Variants in SPATA7 observed in about 807,000 individuals in gnomAD.
The protein encoded by SPATA7 is spermatogenesis associated 7, also known as spermatogenesis-associated protein 7.
SPATA7 carries 43 observed loss-of-function variants against 51.8 expected under a neutral mutation model. That is an observed-to-expected ratio of 0.83 (90% CI 0.65 to 1.07). The LOEUF (loss-of-function observed/expected upper bound fraction) is 1.07, where lower values mean the gene tolerates loss of function less well. SPATA7 is among the 50% of genes least tolerant of loss of function. The pLI is 0.00. For synonymous variants in SPATA7, 230 were observed against 252.8 expected (o/e 0.91, Z 0.86); for missense variants, 683 against 701.3 (o/e 0.97, Z 0.30).
At chr14:88,436,481 C>T (rs2077090745) in intron 10 of SPATA7, among the ~76,000 whole-genome samples, 1 of 152,094 alleles carries the variant, frequency 6.6e-6, no homozygotes, top group African/African-American at 2.4e-5. Flanking sequence ...TGGGATATTA[C>T]TCAAGAAGTC....
chr14:88,439,104 G>A (rs2077160487), downstream of SPATA7, among the ~76,000 whole-genome samples: 1 of 152,136 alleles, frequency 6.6e-6, no homozygotes. Context: ...TATTTTCAGA[G>A]GAACATATTT....
chr14:88,416,928 T>G, intron 5 of SPATA7, 84 bp downstream of exon 5: 5 of 1,244,632 alleles, frequency 4.0e-6, no homozygotes, highest in Non-Finnish European at 5.7e-6. Flanking sequence ...TTACTATAGT[T>G]TAGGGTCAGC....
chr14:88,469,430 C>T lies in SPATA7; in HGVS notation c.255-417C>T, dbSNP rs1395534110. 3.0e-6 allele frequency: 4 copies of T among 1,324,294 alleles called. No individual in the cohort carries two copies. The highest frequency in any genetic ancestry group is 1.5e-5 in the African/African-American group (1 of 68,758). The allele number at this position is 1,324,294 out of a possible 1,614,324, so 82.0% of individuals were successfully genotyped here. A position where few individuals can be genotyped will look rare whatever the true frequency, so the allele number is the denominator to read the frequency against. On this transcript the variant is annotated intron_variant, in intron 4 of 4. Coordinates refer to the SPATA7 transcript ENST00000556406. This position sits in a 1 kb window ranked among gnomAD's most constrained non-coding sequence, Gnocchi z 4.3. ...TAACATAAAGGAAATATTTCGGAAACATAAATGTTCCTCTCTGTTTAACAC... is the reference window on the plus strand; with the variant it reads ...TAACATAAAGGAAATATTTCGGAAATATAAATGTTCCTCTCTGTTTAACAC...
intron 6 of SPATA7, 78 bp downstream of exon 6, chr14:88,426,782 T>G (rs944852499): frequency 7.6e-7 from 1 of 1,319,952 alleles, no homozygotes; most frequent in African/African-American, 1.5e-5. Flanking sequence ...CCTTGTTTTC[T>G]GCTGCCAGCC....
intron 7 of SPATA7, 43 bp downstream of exon 7, chr14:88,427,739 C>T (rs781021616): frequency 2.2e-6 from 3 of 1,373,004 alleles, no homozygotes; most frequent in South Asian, 2.3e-5. Context: ...ATTTGAATTA[C>T]AGATGTTTTT....
Position 88,469,494 on chromosome 14 carries a change from C to T in SPATA7, c.255-353C>T. On this transcript the variant is annotated intron_variant, in intron 4 of 4. Transcript: ENST00000556406. The surrounding 1 kb of genome is among the most constrained non-coding windows in gnomAD (Gnocchi z 4.3). The stretch of plus-strand genomic sequence containing the variant: ...TGTCCTCGGAACAAAGTTAAAGTCA[C>T]TCACATAAAAATCCCTTGAGGTCTT... 1 of 1,604,614 alleles carries T rather than the reference C, an allele frequency of 6.2e-7. No homozygotes were observed. Among genetic ancestry groups the T allele is most frequent in the Non-Finnish European group, 8.5e-7 (1 of 1,171,392 alleles).
rs918842664 is a variant in SPATA7 at position 88,469,302 on chromosome 14, G to A, written c.255-545G>A. Among the ~76,000 whole-genome samples the A allele has an allele frequency of 1.3e-5, 2 of 152,142 alleles. No homozygotes were observed. The highest frequency in any genetic ancestry group is 2.9e-5 in the Non-Finnish European group (2 of 68,036). On this transcript the variant is annotated intron_variant, in intron 4 of 4. Coordinates refer to the SPATA7 transcript ENST00000556406. The surrounding 1 kb of genome is among the most constrained non-coding windows in gnomAD (Gnocchi z 4.3). ...AAATGACGGAGATACTGAGTCAGCT[G>A]TGGCATTCTACTCACTACCAAATCA...
chr14:88,468,388 C>T lies in SPATA7; in HGVS notation c.255-1459C>T, dbSNP rs964721596. On this transcript the variant is annotated intron_variant, in intron 4 of 4. Coordinates refer to the SPATA7 transcript ENST00000556406. ...ATGGACAGTCTCTTTTCCACCTTAGCGTCTTCTAGAAATAAGCCATGATTG... is the reference window on the plus strand; with the variant it reads ...ATGGACAGTCTCTTTTCCACCTTAGTGTCTTCTAGAAATAAGCCATGATTG... The T allele has an allele frequency of 2.6e-5, 25 of 952,702 alleles. 1 individual carries two copies. Among genetic ancestry groups the T allele is most frequent in the East Asian group, 1.3e-4 (5 of 38,102 alleles). 59.0% of individuals were successfully genotyped at this position (952,702 alleles called of 1,614,324 possible).
Position 88,416,819 on chromosome 14 carries a change from A to T in SPATA7, c.347A>T (p.Lys116Met). ...CGAGCCAATTATAAAAATAATTCCAAGTCACTTTTTAATACCTTACAAAAG... is the reference window on the plus strand; with the variant it reads ...CGAGCCAATTATAAAAATAATTCCATGTCACTTTTTAATACCTTACAAAAG... ...AMRANYKNNSKSLFNTLQKPS... is the reference protein window; with the variant it reads ...AMRANYKNNSMSLFNTLQKPS... Residue 116 changes from lysine (K) to methionine (M), a missense_variant, in exon 5 of 12, where the codon AAG becomes ATG. Transcript: ENST00000393545. The T allele has an allele frequency of 6.2e-7, 1 of 1,602,718 alleles. No individual in the cohort carries two copies. The highest frequency in any genetic ancestry group is 8.5e-7 in the Non-Finnish European group (1 of 1,170,172).
chr14:88,390,337 G>A (rs2075707431), intron 1 of SPATA7, among the ~76,000 whole-genome samples: 1 of 151,654 alleles, frequency 6.6e-6, no homozygotes, highest in East Asian at 1.9e-4. Flanking sequence ...GTACTCAAAT[G>A]ATGTCACCAA....
intron 4 of SPATA7, 84 bp from the exon 5 acceptor site, chr14:88,416,627 A>G: frequency 1.6e-6 from 2 of 1,263,792 alleles, no homozygotes; most frequent in Non-Finnish European, 1.1e-6. Context: ...AACAAGAAAA[A>G]TGTTCCATTT....
At chr14:88,393,954 G>T (rs2075812576) in intron 3 of SPATA7, among the ~76,000 whole-genome samples, 1 of 152,000 alleles carries the variant, frequency 6.6e-6, no homozygotes, top group South Asian at 2.1e-4. Context: ...CTACAACCAT[G>T]CTGTAAAACA....
At chr14:88,458,490 A>C (rs2077298948), downstream of SPATA7, among the ~76,000 whole-genome samples, 1 of 152,168 alleles carries the variant, frequency 6.6e-6, no homozygotes, top group Non-Finnish European at 1.5e-5. Context: ...CATTTCTTCT[A>C]GATTTTCTAG....
At chr14:88,393,254 A>G (rs892157021) in intron 2 of SPATA7, 139 bp from the exon 3 acceptor site, 11 of 645,966 alleles carry the variant, frequency 1.7e-5, no homozygotes, top group Non-Finnish European at 2.9e-5. Flanking sequence ...TTAAAGCTTC[A>G]CATCACAATG....
intron 4 of SPATA7, among the ~76,000 whole-genome samples, chr14:88,464,752 T>C (rs751818555): frequency 3.9e-5 from 6 of 152,102 alleles, no homozygotes; most frequent in Non-Finnish European, 7.4e-5. Context: ...AAAAGTCTTA[T>C]TTACAATAAT....
At chr14:88,404,324 A>G (rs1288986150) in intron 4 of SPATA7, among the ~76,000 whole-genome samples, 2 of 152,244 alleles carry the variant, frequency 1.3e-5, no homozygotes, top group Non-Finnish European at 2.9e-5. Context: ...ACTACTTGAC[A>G]AAATGTTCCA....
intron 4 of SPATA7, among the ~76,000 whole-genome samples, chr14:88,460,580 C>G (rs1326880693): frequency 6.6e-6 from 1 of 152,206 alleles, no homozygotes; most frequent in Admixed American, 6.5e-5. Context: ...AAGGACTTCT[C>G]TACACTGTTT....
intron 4 of SPATA7, chr14:88,414,869 G>A (rs1423761662): frequency 1.5e-5 from 3 of 199,340 alleles, no homozygotes; most frequent in Non-Finnish European, 3.2e-5. Context: ...GTTTTGAGGA[G>A]TACTCTTGGT....
chr14:88,443,129 G>C (rs1211621620), downstream of SPATA7, among the ~76,000 whole-genome samples: 4 of 151,962 alleles, frequency 2.6e-5, no homozygotes, highest in South Asian at 8.3e-4. Flanking sequence ...ATTTTTAGTA[G>C]AGACATGGTT....
Sources: allele counts gnomAD v4.1 joint callset (sites outside exome capture counted in the v4.1 genomes callset), GRCh38; gene constraint gnomAD v4.1.1; non-coding constraint Gnocchi (gnomAD v3.1); transcripts MANE v1.5; gene names NCBI Gene and HGNC (gene_info 2026-07-23, HGNC 2026-07-21).